The following PDLIM5 variants were observed in gnomAD, a reference collection of about 807,000 sequenced individuals.
PDLIM5 encodes the protein PDZ and LIM domain 5.
A neutral mutation model predicts 64.2 loss-of-function variants in PDLIM5; 34 were observed. That is an observed-to-expected ratio of 0.53 (90% CI 0.40 to 0.71). The LOEUF (loss-of-function observed/expected upper bound fraction) is 0.71. Among genes scored for constraint, PDLIM5 ranks in the 30% least tolerant of loss-of-function variants. The pLI is 0.00. For synonymous variants in PDLIM5, 253 were observed against 269.1 expected, an observed-to-expected ratio of 0.94 and a Z score of 0.59; for missense variants, 683 against 733.6, an observed-to-expected ratio of 0.93 and a Z score of 0.80.
intron 3 of PDLIM5, among the ~76,000 whole-genome samples, chr4:94,531,936 A>AG (rs1418051025): frequency 7.9e-5 from 12 of 152,058 alleles, no homozygotes; most frequent in African/African-American, 2.7e-4. Context: ...TGAAAGGAAA[A>AG]AGGGGGGGAA....
At chr4:94,542,521 G>T (rs1189527334) in intron 3 of PDLIM5, among the ~76,000 whole-genome samples, 2 of 152,104 alleles carry the variant, frequency 1.3e-5, no homozygotes, top group Non-Finnish European at 2.9e-5. Context: ...TTACCTTCTA[G>T]GTAAGAGGAG....
chr4:94,482,144 G>A (rs1362708955), intron 2 of PDLIM5, among the ~76,000 whole-genome samples: 1 of 150,516 alleles, frequency 6.6e-6, no homozygotes, highest in Non-Finnish European at 1.5e-5. Context: ...ACAGAGTCTA[G>A]CATATCATGT....
Position 94,456,585 on chromosome 4 carries a change from T to A in PDLIM5, c.96+1201T>A, listed in dbSNP as rs973034156. On this transcript the variant is annotated intron_variant, in intron 2 of 12. Transcript: ENST00000317968. Reference sequence around the variant, plus strand: ...ATATAAGGAGGTATGTGTGTTTTTTTAAAACAATTGTATAATTTTATTTTA... The same window carrying A: ...ATATAAGGAGGTATGTGTGTTTTTTAAAAACAATTGTATAATTTTATTTTA... The A allele has an allele frequency of 1.2e-5, 9 of 730,762 alleles. No homozygotes were observed. The African/African-American group carries it at 1.2e-4, about 10-fold the overall frequency. 45.3% of individuals were successfully genotyped at this position (730,762 alleles called of 1,614,324 possible). A position where few individuals can be genotyped will look rare whatever the true frequency, so the allele number is the denominator to read the frequency against.
At chr4:94,538,000 G>A (rs971528516) in intron 3 of PDLIM5, among the ~76,000 whole-genome samples, 14 of 152,126 alleles carry the variant, frequency 9.2e-5, no homozygotes, top group African/African-American at 3.4e-4. Context: ...AGAGAAAGGG[G>A]CAGTTATGAA....
intron 2 of PDLIM5, among the ~76,000 whole-genome samples, chr4:94,473,698 G>C (rs149417347): frequency 6.6e-6 from 1 of 152,174 alleles, no homozygotes; most frequent in Admixed American, 6.5e-5. Context: ...TTTGTTTTTG[G>C]TAAGCAGTAA....
intron 8 of PDLIM5, among the ~76,000 whole-genome samples, chr4:94,629,986 A>G (rs1006241706): frequency 1.3e-5 from 2 of 152,186 alleles, no homozygotes; most frequent in African/African-American, 2.4e-5. Flanking sequence ...CAAAATGCAC[A>G]TATTCTTTGC....
At chr4:94,571,277 T>C (rs1734780944) in intron 3 of PDLIM5, among the ~76,000 whole-genome samples, 1 of 152,224 alleles carries the variant, frequency 6.6e-6, no homozygotes, top group South Asian at 2.1e-4. Context: ...GTTCTGAAAC[T>C]GGTTATAATG....
intron 2 of PDLIM5, among the ~76,000 whole-genome samples, chr4:94,517,400 G>A (rs957482446): frequency 2.0e-5 from 3 of 152,242 alleles, no homozygotes; most frequent in South Asian, 2.1e-4. Flanking sequence ...TTGACAGCAG[G>A]TACTGGAAAA....
intron 2 of PDLIM5, among the ~76,000 whole-genome samples, chr4:94,500,722 T>C (rs781400246): frequency 1.2e-4 from 19 of 152,256 alleles, no homozygotes; most frequent in Admixed American, 3.9e-4. Context: ...CCTGGTAATA[T>C]TCCTAGGAAG....
intron 2 of PDLIM5, among the ~76,000 whole-genome samples, chr4:94,491,899 G>A (rs923053409): frequency 2.6e-5 from 4 of 151,170 alleles, no homozygotes; most frequent in African/African-American, 9.7e-5. Context: ...TCTTTTTTTT[G>A]TGGTGAAACA....
intron 9 of PDLIM5, among the ~76,000 whole-genome samples, chr4:94,651,088 T>C (rs1483221756): frequency 1.3e-5 from 2 of 152,226 alleles, no homozygotes; most frequent in African/African-American, 4.8e-5. Context: ...TTCTTTAGTG[T>C]TAATCCTGTG....
chr4:94,608,157 A>G, intron 7 of PDLIM5: 17 of 1,531,074 alleles, frequency 1.1e-5, no homozygotes, highest in Non-Finnish European at 1.5e-5. Context: ...ACACTTTCTA[A>G]AGTAGCAACT....
At chr4:94,476,652 T>A (rs1725351655) in intron 2 of PDLIM5, among the ~76,000 whole-genome samples, 1 of 152,180 alleles carries the variant, frequency 6.6e-6, no homozygotes, top group Non-Finnish European at 1.5e-5. Context: ...TGGTTGTTGT[T>A]CTGCAGTATT....
At chr4:94,660,131 C>G (rs1395542631) in intron 11 of PDLIM5, among the ~76,000 whole-genome samples, 1 of 151,294 alleles carries the variant, frequency 6.6e-6, no homozygotes, top group South Asian at 2.1e-4. Context: ...CTCCTGACCT[C>G]AAGTGATCCA....
chr4:94,466,625 T>G (rs6813105), intron 2 of PDLIM5, among the ~76,000 whole-genome samples: 1,808 of 152,266 alleles, frequency 0.012, 41 homozygotes, highest in African/African-American at 0.041. Flanking sequence ...TCAGCAAAAA[T>G]GTTAAGGGTA....
At chr4:94,543,798 G>A (rs984726136) in intron 3 of PDLIM5, among the ~76,000 whole-genome samples, 3 of 118,402 alleles carry the variant, frequency 2.5e-5, no homozygotes, top group African/African-American at 1.6e-4. Flanking sequence ...GTGTGTGTGT[G>A]TGTGTGTGTG....
chr4:94,519,102 G>C (rs547634822), intron 2 of PDLIM5, among the ~76,000 whole-genome samples: 1 of 152,168 alleles, frequency 6.6e-6, no homozygotes, highest in Non-Finnish European at 1.5e-5. Flanking sequence ...AGTGAATTAC[G>C]TTCTGAATGT....
chr4:94,655,150 A>G (rs965978135), intron 10 of PDLIM5, among the ~76,000 whole-genome samples: 1 of 152,232 alleles, frequency 6.6e-6, no homozygotes, highest in African/African-American at 2.4e-5. Flanking sequence ...GTGTTTAAAA[A>G]TATAACCTCA....
intron 9 of PDLIM5, among the ~76,000 whole-genome samples, chr4:94,644,611 G>T (rs1304166383): frequency 1.3e-5 from 2 of 150,408 alleles, no homozygotes; most frequent in African/African-American, 2.5e-5. Context: ...CTGCAACCTC[G>T]GCTCACTGCA....
Sources: gnomAD v4.1 joint callset for allele counts (sites outside exome capture counted in the v4.1 genomes callset) on GRCh38, gnomAD v4.1.1 for gene constraint, MANE v1.5 for transcripts, NCBI Gene and HGNC (gene_info 2026-07-23, HGNC 2026-07-21) for gene names.